The following TBC1D32 variants were observed in gnomAD, a reference collection of about 807,000 sequenced individuals.
The protein encoded by TBC1D32 is protein broad-minded.
A neutral mutation model predicts 170.3 loss-of-function variants in TBC1D32; 151 were observed. The ratio of observed to expected loss-of-function variants is 0.89; its 90% CI spans 0.78 to 1.01. The LOEUF (loss-of-function observed/expected upper bound fraction) is 1.01, where lower values mean the gene tolerates loss of function less well. Ranked by LOEUF, TBC1D32 falls within the 50% of genes least tolerant of loss-of-function variation. The pLI, the probability that TBC1D32 is intolerant of heterozygous loss-of-function variation, is 0.00. For missense variants in TBC1D32, 1,464 were observed against 1,457.1 expected, an observed-to-expected ratio of 1.00 and a Z score of -0.08; for synonymous variants, 498 against 488.0, an observed-to-expected ratio of 1.02 and a Z score of -0.27.
chr6:121,089,891 T>C (rs544861476), intron 31 of TBC1D32, among the ~76,000 whole-genome samples: 59 of 151,958 alleles, frequency 3.9e-4, no homozygotes, highest in Non-Finnish European at 6.5e-4. Flanking sequence ...TCCTGTGGGA[T>C]GGCAAAGGTA....
In TBC1D32 at chr6:121,085,188, TTG is replaced by T. The variant is rs544837801; in HGVS notation, c.3655-4300_3655-4299del. ...TTACTAGAGATAATCTTTTTGTGTG[TTG>T]TGTCTTACATATATATACACATATA... On this transcript the variant is annotated intron_variant, in intron 31 of 31. Transcript: ENST00000398212. 4.0e-4 allele frequency among the ~76,000 whole-genome samples: 60 copies of T among 149,668 alleles called. 1 individual carries two copies. The East Asian group carries it at 0.01, about 25-fold the overall frequency.
At chr6:121,334,613 C>T (rs1811658048), upstream of TBC1D32, 2 of 652,716 alleles carry the variant, frequency 3.1e-6, no homozygotes. Context: ...AACGAGTCAC[C>T]TTACTTTGGG....
rs952163323 is a variant in TBC1D32, at chr6:121,259,253, G to A, written c.1734-2968C>T. On this transcript the variant is annotated intron_variant, in intron 15 of 31. Transcript: ENST00000398212. The stretch of plus-strand genomic sequence containing the variant: ...GTGGAGGTTGCAGTGAGCAGAGATC[G>A]CACAACTGCACTCCAACCTGGGCGG... Among the ~76,000 whole-genome samples, 9 of 151,838 alleles carry A rather than the reference G, an allele frequency of 5.9e-5. No homozygotes were observed. The East Asian group carries it at 9.7e-4, about 16-fold the overall frequency.
chr6:121,240,090 T>G (rs1004528683), intron 19 of TBC1D32, among the ~76,000 whole-genome samples: 1 of 152,092 alleles, frequency 6.6e-6, no homozygotes, highest in Non-Finnish European at 1.5e-5. Context: ...AACAGGACAA[T>G]ACATGTGAAG....
intron 24 of TBC1D32, among the ~76,000 whole-genome samples, chr6:121,143,196 T>A (rs1264470551): frequency 6.8e-6 from 1 of 146,968 alleles, no homozygotes; most frequent in Non-Finnish European, 1.5e-5. Flanking sequence ...TCTAAGTGAA[T>A]TTTTTGTGTG....
intron 31 of TBC1D32, among the ~76,000 whole-genome samples, chr6:121,085,320 CATATATATATACAT>C (rs1369736279): frequency 3.0e-4 from 43 of 143,700 alleles, no homozygotes; most frequent in African/African-American, 1.1e-3. Flanking sequence ...CATATATACA[CATATATATATACAT>C]ACATATATAT....
intron 22 of TBC1D32, among the ~76,000 whole-genome samples, chr6:121,193,037 A>G (rs954454613): frequency 3.2e-4 from 48 of 152,332 alleles, no homozygotes; most frequent in African/African-American, 1.1e-3. Context: ...GTGGTGCACT[A>G]CACTAGAAAA....
rs1798832344 is a variant in TBC1D32 at position 121,255,422 on chromosome 6, T to C, written c.1936-12A>G. The C allele has an allele frequency of 2.2e-6, 3 of 1,367,600 alleles. No individual in the cohort carries two copies. Among genetic ancestry groups the C allele is most frequent in the African/African-American group, 2.9e-5 (2 of 68,976 alleles). 84.7% of individuals were successfully genotyped at this position (1,367,600 alleles called of 1,614,324 possible). A position where few individuals can be genotyped will look rare whatever the true frequency, so the allele number is the denominator to read the frequency against. On this transcript the variant is annotated splice_polypyrimidine_tract_variant and intron_variant, in intron 16 of 31. Transcript: ENST00000398212. Reference sequence around the variant, plus strand: ...GATAGCAAACTTGTCTAAAAAATAGTAGAATAATTTATATTGCTTACTGAT... The same window carrying C: ...GATAGCAAACTTGTCTAAAAAATAGCAGAATAATTTATATTGCTTACTGAT...
At chr6:121,123,752 C>T (rs1051966257) in intron 26 of TBC1D32, among the ~76,000 whole-genome samples, 1 of 151,722 alleles carries the variant, frequency 6.6e-6, no homozygotes. Flanking sequence ...TAATAATAAC[C>T]ATTTTAATAC....
Position 121,308,109 on chromosome 6 carries a change from T to A in TBC1D32, c.565-8A>T. On this transcript the variant is annotated splice_region_variant and splice_polypyrimidine_tract_variant and intron_variant, in intron 4 of 31. Transcript: ENST00000398212. ...CAAGGCTTCATATCTCACCTACAAT[T>A]TTTTTAAAAGACTTTTATTAACACT... The A allele has an allele frequency of 6.2e-7, 1 of 1,607,332 alleles. No homozygotes were observed. Among genetic ancestry groups the A allele is most frequent in the Non-Finnish European group, 8.5e-7 (1 of 1,178,400 alleles).
chr6:121,099,696 G>A (rs750140463), intron 30 of TBC1D32, among the ~76,000 whole-genome samples: 4 of 151,708 alleles, frequency 2.6e-5, no homozygotes, highest in Non-Finnish European at 5.9e-5. Context: ...GCAATAAAAT[G>A]GTAAATAATA....
intron 24 of TBC1D32, among the ~76,000 whole-genome samples, chr6:121,155,193 TCTC>T (rs1291624726): frequency 1.3e-5 from 2 of 152,140 alleles, no homozygotes; most frequent in South Asian, 2.1e-4. Flanking sequence ...TGTTTGTAGT[TCTC>T]CTTGTAGAAC....
intron 20 of TBC1D32, among the ~76,000 whole-genome samples, chr6:121,227,013 C>A (rs1370389023): frequency 6.6e-6 from 1 of 151,982 alleles, no homozygotes; most frequent in Admixed American, 6.6e-5. Flanking sequence ...TGTCTTGGGC[C>A]ACACATAAAA....
At chr6:121,204,160 G>C (rs528818297) in intron 22 of TBC1D32, among the ~76,000 whole-genome samples, 1 of 151,210 alleles carries the variant, frequency 6.6e-6, no homozygotes, top group South Asian at 2.1e-4. Context: ...TGAGACTATA[G>C]ACTAAAAATT....
intron 29 of TBC1D32, among the ~76,000 whole-genome samples, chr6:121,108,478 C>T (rs17083169): frequency 0.04 from 6,028 of 151,992 alleles, 355 homozygotes; most frequent in African/African-American, 0.12. Context: ...CAGCATTTAG[C>T]ATCATCTAAT....
At chr6:121,126,905 G>T (rs1157837733) in intron 25 of TBC1D32, among the ~76,000 whole-genome samples, 1 of 152,092 alleles carries the variant, frequency 6.6e-6, no homozygotes, top group Non-Finnish European at 1.5e-5. Context: ...GCAACTGACG[G>T]TATCTATTCA....
At chr6:121,316,265 C>G (rs1336693925) in intron 3 of TBC1D32, among the ~76,000 whole-genome samples, 1 of 152,088 alleles carries the variant, frequency 6.6e-6, no homozygotes, top group Non-Finnish European at 1.5e-5. Context: ...AGAACAAATG[C>G]TCCATTATTT....
chr6:121,125,717 T>A (rs1188676456), intron 26 of TBC1D32, among the ~76,000 whole-genome samples: 2 of 152,142 alleles, frequency 1.3e-5, no homozygotes, highest in African/African-American at 4.8e-5. Context: ...GAGCTGATAC[T>A]AGTACCCTAG....
chr6:121,319,117 T>C (rs1055806840), intron 2 of TBC1D32, among the ~76,000 whole-genome samples: 3 of 151,312 alleles, frequency 2.0e-5, no homozygotes, highest in Non-Finnish European at 4.4e-5. Context: ...AGTTTTAAAA[T>C]ATATGTATTT....
Sources: gnomAD v4.1 joint callset for allele counts (sites outside exome capture counted in the v4.1 genomes callset) on GRCh38, gnomAD v4.1.1 for gene constraint, MANE v1.5 for transcripts, NCBI Gene and HGNC (gene_info 2026-07-23, HGNC 2026-07-21) for gene names.